The following EPB41L5 variants were observed in gnomAD, a reference collection of about 807,000 sequenced individuals.
EPB41L5 encodes the protein band 4.1-like protein 5.
EPB41L5 carries 55 observed loss-of-function variants against 106.6 expected under a neutral mutation model. The observed-to-expected ratio is 0.52, with a 90% confidence interval of 0.42 to 0.65. The LOEUF is 0.65. Among genes scored for constraint, EPB41L5 ranks in the 30% least tolerant of loss-of-function variants. The pLI is 0.00. For synonymous variants in EPB41L5, 297 were observed against 306.7 expected, an observed-to-expected ratio of 0.97 and a Z score of 0.33; for missense variants, 871 against 882.1, an observed-to-expected ratio of 0.99 and a Z score of 0.16.
intron 3 of EPB41L5, among the ~76,000 whole-genome samples, chr2:120,046,537 TC>T (rs1477297025): frequency 1.3e-5 from 2 of 151,908 alleles, no homozygotes; most frequent in African/African-American, 4.8e-5. Flanking sequence ...TTGTTTGAGT[TC>T]TTTGTAGATT....
In EPB41L5 at chr2:120,138,344, C is replaced by G. The variant is rs144682828; in HGVS notation, c.1600-4659C>G. On this transcript the variant is annotated intron_variant, in intron 18 of 24. Coordinates refer to ENST00000263713, the MANE Select transcript of EPB41L5 (RefSeq NM_020909.4). ...TTCAGTGTAGTACTGGAAGACCTAGCTAGAGCAATCAGACAAGAGAATGAA... is the reference window on the plus strand; with the variant it reads ...TTCAGTGTAGTACTGGAAGACCTAGGTAGAGCAATCAGACAAGAGAATGAA... Among the ~76,000 whole-genome samples the G allele has an allele frequency of 7.2e-3, 1,094 of 151,908 alleles. 6 individuals carry two copies. The highest frequency in any genetic ancestry group is 1.0e-2 in the Non-Finnish European group (678 of 67,876).
intron 16 of EPB41L5, among the ~76,000 whole-genome samples, chr2:120,103,694 T>A (rs1477473722): frequency 6.6e-6 from 1 of 152,202 alleles, no homozygotes; most frequent in Non-Finnish European, 1.5e-5. Flanking sequence ...GTTAAGTAGA[T>A]TATGAATATT....
chr2:120,129,130 C>T (rs889769277), intron 17 of EPB41L5, among the ~76,000 whole-genome samples: 10 of 152,056 alleles, frequency 6.6e-5, no homozygotes, highest in East Asian at 1.9e-4. Flanking sequence ...CATGGTACCA[C>T]GTAATATACC....
At chr2:120,165,530 G>A (rs1687356251) in intron 22 of EPB41L5, among the ~76,000 whole-genome samples, 1 of 152,148 alleles carries the variant, frequency 6.6e-6, no homozygotes, top group Non-Finnish European at 1.5e-5. Flanking sequence ...ATAAAAGCCT[G>A]CACATGTTCA....
chr2:120,027,547 G>A (rs1678410448), intron 2 of EPB41L5, among the ~76,000 whole-genome samples: 1 of 152,142 alleles, frequency 6.6e-6, no homozygotes. Flanking sequence ...TGACAGGGTG[G>A]TAGGGGTTGA....
At chr2:120,050,858 G>A (rs1680207511) in intron 3 of EPB41L5, among the ~76,000 whole-genome samples, 1 of 152,190 alleles carries the variant, frequency 6.6e-6, no homozygotes, top group African/African-American at 2.4e-5. Flanking sequence ...CTTTCTGTTT[G>A]TTAGTTTTCC....
chr2:120,110,663 G>A (rs1303158228), intron 16 of EPB41L5, among the ~76,000 whole-genome samples: 1 of 137,008 alleles, frequency 7.3e-6, no homozygotes, highest in Non-Finnish European at 1.5e-5. Flanking sequence ...TTGAGACCAA[G>A]TCTCACTCTT....
At chr2:120,158,693 C>G (rs986898031) in intron 20 of EPB41L5, among the ~76,000 whole-genome samples, 1 of 152,152 alleles carries the variant, frequency 6.6e-6, no homozygotes, top group Non-Finnish European at 1.5e-5. Flanking sequence ...CAAGGATGCC[C>G]TCTCTCACCA....
At chr2:120,049,851 C>T (rs1680101437) in intron 3 of EPB41L5, among the ~76,000 whole-genome samples, 1 of 152,158 alleles carries the variant, frequency 6.6e-6, no homozygotes, top group Admixed American at 6.6e-5. Flanking sequence ...TCTTGTAAGG[C>T]ATGCCTCGTG....
rs374115718 is a variant in EPB41L5, at chr2:120,098,250, C to A, written c.1179-1994C>A. Among the ~76,000 whole-genome samples, 4 of 150,938 alleles carry A rather than the reference C, an allele frequency of 2.7e-5. No homozygotes were observed. The South Asian group carries it at 8.4e-4, about 32-fold the overall frequency. On this transcript the variant is annotated intron_variant, in intron 14 of 24. Transcript: ENST00000263713. ...TTTGAGACAGGGTCTTGCCCTGTCA[C>A]CCAGGCTGCAATGCAGTGGCATCAT... is the stretch of plus-strand genomic sequence containing the variant.
At position 120,076,990 on chromosome 2, in the gene EPB41L5, T is replaced by C. The variant is rs777561272; in HGVS notation, c.525T>C (p.Asp175=). 2.5e-6 allele frequency: 4 copies of C among 1,605,252 alleles called. No homozygotes were observed. The South Asian group carries it at 4.5e-5, about 18-fold the overall frequency. The change falls in exon 8 of 25, where the codon GAT becomes GAC. Residue 175 remains aspartate, a synonymous_variant. Coordinates refer to ENST00000263713, the MANE Select transcript of EPB41L5 (RefSeq NM_020909.4). The part of the protein sequence containing the change: ...YNLQAELGDY[D]LAEHSPELVS... Reference sequence around the variant, plus strand: ...TTATAGCTGAACTTGGTGACTATGATCTTGCTGAGCATAGTCCTGAACTTG... The same window carrying C: ...TTATAGCTGAACTTGGTGACTATGACCTTGCTGAGCATAGTCCTGAACTTG...
intron 2 of EPB41L5, among the ~76,000 whole-genome samples, chr2:120,020,748 C>T (rs1448451535): frequency 6.6e-6 from 1 of 151,366 alleles, no homozygotes; most frequent in African/African-American, 2.4e-5. Flanking sequence ...TTCTTATTAC[C>T]TAATGTTTGA....
chr2:120,178,890 T>A lies in EPB41L5; in HGVS notation c.*3983T>A, dbSNP rs1481559970. On this transcript the variant is annotated 3_prime_UTR_variant, in exon 25 of 25. Coordinates refer to ENST00000263713, the MANE Select transcript of EPB41L5 (RefSeq NM_020909.4). ...CCCCTTTTATCTCCTTATCTGGATA[T>A]GATAAGTGGTTATGAGGGTCTCACT... 6.6e-6 allele frequency: 1 copy of A among 152,184 alleles called. No individual in the cohort carries two copies. Among genetic ancestry groups the A allele is most frequent in the Non-Finnish European group, 1.5e-5 (1 of 68,034 alleles). 9.4% of individuals were successfully genotyped at this position (152,184 alleles called of 1,614,324 possible).
chr2:120,040,534 A>G (rs1301959565), intron 2 of EPB41L5, among the ~76,000 whole-genome samples: 3 of 152,228 alleles, frequency 2.0e-5, no homozygotes, highest in Non-Finnish European at 4.4e-5. Flanking sequence ...AAGATAAGCC[A>G]TACAAAAGCC....
At chr2:120,105,813 A>AT (rs903777345) in intron 16 of EPB41L5, 16 of 984,964 alleles carry the variant, frequency 1.6e-5, no homozygotes, top group African/African-American at 8.8e-5. Context: ...GTCATGGCTG[A>AT]TTTTTTTTCT....
chr2:120,065,204 A>G (rs1681361473), intron 3 of EPB41L5, among the ~76,000 whole-genome samples: 1 of 152,016 alleles, frequency 6.6e-6, no homozygotes, highest in African/African-American at 2.4e-5. Flanking sequence ...GCCCCAAACT[A>G]CTGGACTCAA....
At chr2:120,065,265 G>A (rs1447522259) in intron 3 of EPB41L5, among the ~76,000 whole-genome samples, 1 of 151,784 alleles carries the variant, frequency 6.6e-6, no homozygotes, top group Admixed American at 6.6e-5. Context: ...GTAGGCATAT[G>A]CCACCATGCT....
chr2:120,145,413 A>C (rs1213106336), intron 19 of EPB41L5, among the ~76,000 whole-genome samples: 1 of 152,240 alleles, frequency 6.6e-6, no homozygotes, highest in Non-Finnish European at 1.5e-5. Context: ...AGACATCTCC[A>C]TGCTGCTCTA....
In EPB41L5 at chr2:120,146,265, A is replaced by G. The variant is rs149270145; in HGVS notation, c.1769A>G (p.Asn590Ser). ...AGCTTATTAAGTCATAAAAATGCCA[A>G]TGTTCAGGATGCTGCCACAAACAGG... is the stretch of plus-strand genomic sequence containing the variant. ...EDSLLSHKNANVQDAATNSAV... is the reference protein window; with the variant it reads ...EDSLLSHKNASVQDAATNSAV... Residue 590 changes from asparagine (N) to serine (S), a missense_variant, in exon 20 of 25, where the codon AAT becomes AGT. Coordinates refer to ENST00000263713, the MANE Select transcript of EPB41L5 (RefSeq NM_020909.4). 1.1e-4 allele frequency: 175 copies of G among 1,610,032 alleles called. No individual in the cohort carries two copies. The African/African-American group carries it at 1.3e-3, about 12-fold the overall frequency.
Sources: gnomAD v4.1 joint callset for allele counts (sites outside exome capture counted in the v4.1 genomes callset) on GRCh38, gnomAD v4.1.1 for gene constraint, MANE v1.5 for transcripts, NCBI Gene and HGNC (gene_info 2026-07-23, HGNC 2026-07-21) for gene names.